FGD4: variants seen among roughly 807,000 people sequenced by gnomAD.
The protein encoded by FGD4 is FYVE, RhoGEF and PH domain-containing protein 4.
FGD4 carries 42 observed loss-of-function variants against 102.0 expected under a neutral mutation model. The observed-to-expected ratio is 0.41, with a 90% CI of 0.32 to 0.53. The LOEUF (loss-of-function observed/expected upper bound fraction) is 0.53. Among genes scored for constraint, FGD4 ranks in the 20% least tolerant of loss-of-function variants. The pLI is 0.21. For synonymous variants in FGD4, 380 were observed against 375.7 expected, an observed-to-expected ratio of 1.01 and a Z score of -0.13; for missense variants, 902 against 1,078.2, an observed-to-expected ratio of 0.84 and a Z score of 2.29.
Position 32,631,372 on chromosome 12 carries a change from A to G in FGD4, c.2173-2177A>G, listed in dbSNP as rs528599211. On this transcript the variant is annotated intron_variant, in intron 14 of 16. Coordinates refer to ENST00000534526, the MANE Select transcript of FGD4 (RefSeq NM_001370298.3). ...GGTGTTCCCAGTGTCATGAGTGAAT[A>G]TATTATTTGTGTGCTTAAGTGCAAC... is the stretch of plus-strand genomic sequence containing the variant. Among the ~76,000 whole-genome samples, 17 of 152,172 alleles carry G rather than the reference A, an allele frequency of 1.1e-4. No individual in the cohort carries two copies. In the East Asian group the frequency reaches 2.1e-3, roughly 19 times the overall value.
intron 1 of FGD4, among the ~76,000 whole-genome samples, chr12:32,561,240 C>T (rs1022337515): frequency 6.6e-6 from 1 of 151,752 alleles, no homozygotes; most frequent in African/African-American, 2.4e-5. Context: ...GCGCCCACCA[C>T]CACATCTGGC....
At chr12:32,515,630 C>T (rs1252752942) in intron 1 of FGD4, among the ~76,000 whole-genome samples, 2 of 152,220 alleles carry the variant, frequency 1.3e-5, no homozygotes, top group African/African-American at 4.8e-5. Flanking sequence ...CTGCCTGCCC[C>T]TCCTGTTCTT....
At chr12:32,559,193 G>A (rs1458352688) in intron 1 of FGD4, among the ~76,000 whole-genome samples, 1 of 152,122 alleles carries the variant, frequency 6.6e-6, no homozygotes, top group Non-Finnish European at 1.5e-5. Flanking sequence ...CCAAATATGA[G>A]TAGGCTAAGT....
intron 1 of FGD4, chr12:32,511,297 T>G (rs1469878862): frequency 2.6e-5 from 4 of 152,140 alleles, no homozygotes; most frequent in Admixed American, 6.6e-5. Flanking sequence ...AGAAACACTT[T>G]AGGGCGATCG....
Position 32,625,765 on chromosome 12 carries a change from C to T in FGD4, c.2158C>T (p.Arg720Ter), listed in dbSNP as rs772352538. ...ACTGACACGAAGGAGGCATCATTGT[C>T]GAGCATGTGGATATGTAAGTGAGAT... ...NALTRRRHHC[R>*]ACGYVVCWKC... Residue 720 changes from arginine (R) to a stop codon, truncating the protein, a stop_gained, in exon 14 of 17, where the codon CGA becomes TGA. Coordinates refer to ENST00000534526, the MANE Select transcript of FGD4 (RefSeq NM_001370298.3). LOFTEE classifies it high-confidence loss of function. The T allele has an allele frequency of 2.5e-6, 4 of 1,613,610 alleles. No homozygotes were observed. Among genetic ancestry groups the T allele is most frequent in the Admixed American group, 1.7e-5 (1 of 59,972 alleles).
intron 1 of FGD4, among the ~76,000 whole-genome samples, chr12:32,463,738 T>C (rs1327860835): frequency 6.6e-6 from 1 of 152,232 alleles, no homozygotes; most frequent in Non-Finnish European, 1.5e-5. Context: ...TTTTAACTTT[T>C]GTGTGAGAAT....
intron 5 of FGD4, among the ~76,000 whole-genome samples, chr12:32,599,793 C>T (rs1948247984): frequency 6.6e-6 from 1 of 151,766 alleles, no homozygotes; most frequent in Non-Finnish European, 1.5e-5. Flanking sequence ...TGTGATCCTC[C>T]CACCTTGGCC....
intron 1 of FGD4, among the ~76,000 whole-genome samples, chr12:32,509,147 A>G (rs958374893): frequency 3.3e-5 from 5 of 152,226 alleles, no homozygotes; most frequent in Non-Finnish European, 5.9e-5. Flanking sequence ...GGTATAGTAC[A>G]TAGGATTTCC....
intron 1 of FGD4, among the ~76,000 whole-genome samples, chr12:32,505,403 T>C (rs958662730): frequency 2.0e-5 from 3 of 152,246 alleles, no homozygotes; most frequent in African/African-American, 4.8e-5. Flanking sequence ...TCAAAGCTGG[T>C]TTCATTTGGC....
chr12:32,617,183 G>A (rs1949504352), intron 10 of FGD4, among the ~76,000 whole-genome samples: 1 of 152,108 alleles, frequency 6.6e-6, no homozygotes, highest in Admixed American at 6.5e-5. Flanking sequence ...AACCATGGCA[G>A]CTACTCTTGA....
chr12:32,524,420 A>G (rs1940913601), intron 1 of FGD4, among the ~76,000 whole-genome samples: 1 of 148,674 alleles, frequency 6.7e-6, no homozygotes. Context: ...AAAAAAAGAT[A>G]AATTACCTGG....
chr12:32,587,484 A>G (rs1420656669), intron 4 of FGD4, among the ~76,000 whole-genome samples: 1 of 151,968 alleles, frequency 6.6e-6, no homozygotes, highest in African/African-American at 2.4e-5. Flanking sequence ...TCCACGTCCT[A>G]GGTTCAAGCA....
intron 1 of FGD4, among the ~76,000 whole-genome samples, chr12:32,491,138 A>AC (rs1944075472): frequency 1.3e-5 from 2 of 150,598 alleles, no homozygotes; most frequent in South Asian, 4.2e-4. Context: ...CAGTTAAAAA[A>AC]AAAAAAAAAA....
In FGD4 at chr12:32,608,029, G is replaced by A; in HGVS notation, c.1477G>A (p.Glu493Lys). ...ACCTGTTCAGCGGATTCCCCGGTAT[G>A]AGATGCTCCTTAAGGACTATCTAAG... ...LEPVQRIPRYEMLLKDYLRKL... is the reference protein window; with the variant it reads ...LEPVQRIPRYKMLLKDYLRKL... Residue 493 changes from glutamate (E) to lysine (K), a missense_variant, in exon 8 of 17, where the codon GAG becomes AAG. This residue lies in a region of FGD4 where 459 missense variants were observed against 619.0 expected (regional missense o/e 0.74). Coordinates refer to ENST00000534526, the MANE Select transcript of FGD4 (RefSeq NM_001370298.3). 2 of 1,614,206 alleles carry A rather than the reference G, an allele frequency of 1.2e-6. No individual in the cohort carries two copies. Among genetic ancestry groups the A allele is most frequent in the Non-Finnish European group, 1.7e-6 (2 of 1,180,018 alleles).
At chr12:32,487,857 C>T (rs917866037) in intron 1 of FGD4, among the ~76,000 whole-genome samples, 2 of 152,308 alleles carry the variant, frequency 1.3e-5, no homozygotes, top group Non-Finnish European at 2.9e-5. Context: ...AGTTCCACCA[C>T]ACCCGCATTA....
chr12:32,640,547 C>A lies in FGD4; in HGVS notation c.*14C>A. ...TCAGAATGCTGAACTCCTCCAGGACCAGCCATGGTGTGGAGGTCTCAGGAC... is the reference window on the plus strand; with the variant it reads ...TCAGAATGCTGAACTCCTCCAGGACAAGCCATGGTGTGGAGGTCTCAGGAC... On this transcript the variant is annotated 3_prime_UTR_variant, in exon 17 of 17. Coordinates refer to ENST00000534526, the MANE Select transcript of FGD4 (RefSeq NM_001370298.3). 1 of 1,613,320 alleles carries A rather than the reference C, an allele frequency of 6.2e-7. No individual in the cohort carries two copies. Among genetic ancestry groups the A allele is most frequent in the South Asian group, 1.1e-5 (1 of 91,026 alleles).
At chr12:32,558,821 T>C (rs573616935) in intron 1 of FGD4, among the ~76,000 whole-genome samples, 1 of 152,318 alleles carries the variant, frequency 6.6e-6, no homozygotes, top group East Asian at 1.9e-4. Context: ...GGTTGGCGTA[T>C]GTCTAGGGAT....
chr12:32,599,419 G>C (rs1489624267), intron 5 of FGD4, among the ~76,000 whole-genome samples: 2 of 122,522 alleles, frequency 1.6e-5, no homozygotes, highest in Non-Finnish European at 3.3e-5. Context: ...GCGTGAACCC[G>C]GGAGGCGGAG....
chr12:32,561,276 G>T (rs61926163), intron 1 of FGD4, among the ~76,000 whole-genome samples: 1 of 151,610 alleles, frequency 6.6e-6, no homozygotes, highest in African/African-American at 2.4e-5. Flanking sequence ...TAGTAGAGAC[G>T]GGGTTTTACC....
Sources: gnomAD v4.1 joint callset for allele counts (sites outside exome capture counted in the v4.1 genomes callset) on GRCh38, gnomAD v4.1.1 for gene constraint, gnomAD v4.1.1 regional missense constraint, MANE v1.5 for transcripts, NCBI Gene and HGNC (gene_info 2026-07-23, HGNC 2026-07-21) for gene names.